Variants in MCU observed in about 807,000 individuals in gnomAD.
MCU encodes calcium uniporter protein, mitochondrial.
Under a neutral mutation model 45.2 loss-of-function variants are expected in MCU, and 12 were observed. The ratio of observed to expected loss-of-function variants is 0.27; its 90% CI spans 0.17 to 0.43. The LOEUF (loss-of-function observed/expected upper bound fraction) is 0.43, where lower values mean the gene tolerates loss of function less well. MCU is among the 20% of genes least tolerant of loss of function. MCU has a pLI of 1.00. For missense variants in MCU, 324 were observed against 436.7 expected (o/e 0.74, Z 2.30); for synonymous variants, 160 against 165.1 (o/e 0.97, Z 0.24).
chr10:72,714,730 G>C (rs1252605203), intron 1 of MCU, among the ~76,000 whole-genome samples: 1 of 151,996 alleles, frequency 6.6e-6, no homozygotes, highest in Non-Finnish European at 1.5e-5. Context: ...TTTTAGTAGA[G>C]ACGGGGTGTC....
intron 1 of MCU, among the ~76,000 whole-genome samples, chr10:72,723,772 G>T (rs778348654): frequency 6.6e-6 from 1 of 152,166 alleles, no homozygotes; most frequent in Non-Finnish European, 1.5e-5. Flanking sequence ...CACATTTGAG[G>T]ATTTTAAAGG....
intron 1 of MCU, among the ~76,000 whole-genome samples, chr10:72,831,357 G>A (rs935834978): frequency 9.2e-5 from 14 of 151,978 alleles, no homozygotes; most frequent in African/African-American, 3.1e-4. Context: ...TCTAATAAAC[G>A]AAACCGAATG....
rs1183880469 is a variant in MCU at position 72,692,866 on chromosome 10, C to G, written c.150+565C>G. On this transcript the variant is annotated intron_variant, in intron 1 of 7. Transcript: ENST00000373053. ...GCAGGAAGGAAAATCAAACTTTATT[C>G]CCCTCTGTGACTTCCTCTGTGTGTG... 4.9e-6 allele frequency: 7 copies of G among 1,436,724 alleles called. No individual in the cohort carries two copies. In the South Asian group the frequency reaches 1.0e-4, roughly 21 times the overall value. 89.0% of individuals were successfully genotyped at this position (1,436,724 alleles called of 1,614,324 possible).
Position 72,797,225 on chromosome 10 carries a change from TA to T in MCU, c.151-37133del, listed in dbSNP as rs747540877. Among the ~76,000 whole-genome samples the T allele has an allele frequency of 1.7e-4, 25 of 149,262 alleles. 5 individuals carry two copies. The highest frequency in any genetic ancestry group is 2.2e-4 in the Non-Finnish European group (15 of 67,226). ...TTTATAACATACTTTTATTTTATTTTATTTTATTTTTTTTTTAAGACGGGAT... is the reference window on the plus strand; with the variant it reads ...TTTATAACATACTTTTATTTTATTTTTTTTATTTTTTTTTTAAGACGGGAT... On this transcript the variant is annotated intron_variant, in intron 1 of 7. Coordinates refer to ENST00000373053, the MANE Select transcript of MCU (RefSeq NM_138357.3).
At chr10:72,693,937 T>C (rs958820433) in intron 1 of MCU, among the ~76,000 whole-genome samples, 1 of 152,242 alleles carries the variant, frequency 6.6e-6, no homozygotes, top group Non-Finnish European at 1.5e-5. Flanking sequence ...TTGGGTGTGA[T>C]ATTCATTTAG....
intron 1 of MCU, among the ~76,000 whole-genome samples, chr10:72,807,323 TA>T (rs1844467711): frequency 6.6e-6 from 1 of 151,894 alleles, no homozygotes; most frequent in Non-Finnish European, 1.5e-5. Context: ...AGCCTAAAGA[TA>T]ACATTTTAAT....
intron 1 of MCU, among the ~76,000 whole-genome samples, chr10:72,787,219 T>A (rs1844085575): frequency 2.6e-5 from 4 of 152,236 alleles, no homozygotes; most frequent in Admixed American, 2.6e-4. Flanking sequence ...CGGTAATTTT[T>A]TCTCATTGAA....
At chr10:72,884,151 A>C in intron 6 of MCU, 115 bp from the exon 7 acceptor site, 2 of 677,688 alleles carry the variant, frequency 3.0e-6, no homozygotes, top group East Asian at 5.0e-5. Flanking sequence ...AATACTTAAC[A>C]CAGCACATGT....
intron 1 of MCU, among the ~76,000 whole-genome samples, chr10:72,699,547 G>A (rs945010546): frequency 6.0e-5 from 9 of 150,572 alleles, no homozygotes; most frequent in Non-Finnish European, 1.0e-4. Flanking sequence ...TTAGAGTTCA[G>A]TAAGACCTTA....
chr10:72,845,754 A>G (rs1372912915), intron 2 of MCU, among the ~76,000 whole-genome samples: 2 of 152,190 alleles, frequency 1.3e-5, no homozygotes, highest in Non-Finnish European at 1.5e-5. Context: ...TCGTTAAGCA[A>G]TGTATTCATA....
At chr10:72,805,099 T>C (rs868368912) in intron 1 of MCU, among the ~76,000 whole-genome samples, 1,008 of 56,546 alleles carry the variant, frequency 0.018, 12 homozygotes, top group African/African-American at 0.054. Context: ...CTTTCTTTCT[T>C]TCTCTTTCTT....
chr10:72,832,120 G>GC (rs1255002006), intron 1 of MCU, among the ~76,000 whole-genome samples: 1 of 152,058 alleles, frequency 6.6e-6, no homozygotes. Flanking sequence ...AGGCTGGAGT[G>GC]CAACGGCACG....
At position 72,880,483 on chromosome 10, in the gene MCU, G is replaced by C. The variant is rs112494589; in HGVS notation, c.862-3783G>C. Among the ~76,000 whole-genome samples the C allele has an allele frequency of 8.3e-4, 126 of 151,962 alleles. 1 individual carries two copies. The Middle Eastern group carries it at 0.014, about 16-fold the overall frequency. On this transcript the variant is annotated intron_variant, in intron 6 of 7. Coordinates refer to ENST00000373053, the MANE Select transcript of MCU (RefSeq NM_138357.3). ...ACCACACGTAGAAGGCAAAGCGGGG[G>C]GGGGGAAACCCTAGAAATATATGTA...
chr10:72,693,173 AGTGT>A (rs112298026), intron 1 of MCU: 14,500 of 776,186 alleles, frequency 0.019, 2 homozygotes, highest in East Asian at 0.09. Context: ...CTCTTGGGTG[AGTGT>A]GTGTGTGTGT....
intron 1 of MCU, among the ~76,000 whole-genome samples, chr10:72,819,887 T>C (rs892107629): frequency 1.3e-5 from 2 of 152,136 alleles, no homozygotes; most frequent in African/African-American, 4.8e-5. Context: ...TATAGTTAAA[T>C]TATAGTCTAT....
chr10:72,806,611 G>C (rs11592684), intron 1 of MCU, among the ~76,000 whole-genome samples: 1 of 152,214 alleles, frequency 6.6e-6, no homozygotes, highest in Non-Finnish European at 1.5e-5. Flanking sequence ...TTGCATTCTA[G>C]TGGTGGTGTA....
intron 1 of MCU, among the ~76,000 whole-genome samples, chr10:72,719,888 A>G (rs1169902213): frequency 6.6e-6 from 1 of 152,114 alleles, no homozygotes; most frequent in Non-Finnish European, 1.5e-5. Context: ...CCACTTCCCA[A>G]TCATTTTTAT....
At chr10:72,772,604 C>T (rs1843828119) in intron 1 of MCU, among the ~76,000 whole-genome samples, 2 of 152,048 alleles carry the variant, frequency 1.3e-5, no homozygotes, top group Admixed American at 1.3e-4. Flanking sequence ...GCCTGAGGCA[C>T]GAGAATTGCT....
At chr10:72,844,911 T>C (rs1428555458) in intron 2 of MCU, among the ~76,000 whole-genome samples, 1 of 152,090 alleles carries the variant, frequency 6.6e-6, no homozygotes, top group Non-Finnish European at 1.5e-5. Context: ...ATTTATAAAC[T>C]CAATGCAATG....
Sources: allele counts gnomAD v4.1 joint callset (sites outside exome capture counted in the v4.1 genomes callset), GRCh38; gene constraint gnomAD v4.1.1; transcripts MANE v1.5; gene names NCBI Gene and HGNC (gene_info 2026-07-23, HGNC 2026-07-21).